ARHGEF9: variants seen among roughly 807,000 people sequenced by gnomAD.
ARHGEF9 encodes the protein rho guanine nucleotide exchange factor 9.
Under a neutral mutation model 41.3 loss-of-function variants are expected in ARHGEF9, and 2 were observed. The ratio of observed to expected loss-of-function variants is 0.05; its 90% confidence interval spans 0.02 to 0.15. The LOEUF is 0.15. Ranked by LOEUF, ARHGEF9 falls within the 10% of genes least tolerant of loss-of-function variation. The pLI is 1.00. For synonymous variants in ARHGEF9, 160 were observed against 154.4 expected (o/e 1.04, Z -0.27); for missense variants, 225 against 424.7 (o/e 0.53, Z 4.13).
At chrX:63,746,296 C>A (rs1474131094) in intron 1 of ARHGEF9, among the ~76,000 whole-genome samples, 1 of 112,286 alleles carries the variant, frequency 8.9e-6, no homozygotes, top group Non-Finnish European at 1.9e-5. Flanking sequence ...GTGATAAGGG[C>A]AAGAGAAAAA....
chrX:63,766,061 A>C (rs111613787), intron 1 of ARHGEF9, among the ~76,000 whole-genome samples: 3,156 of 112,381 alleles, frequency 0.028, 116 homozygotes, highest in African/African-American at 0.097. Flanking sequence ...TTCTCCTTAG[A>C]ATGTAAAACT....
At chrX:63,778,213 G>A (rs1213311433) in intron 1 of ARHGEF9, among the ~76,000 whole-genome samples, 5 of 112,302 alleles carry the variant, frequency 4.5e-5, no homozygotes, top group East Asian at 2.8e-4. Flanking sequence ...CTGTGTACCC[G>A]CAGGCCCAAC....
At chrX:63,714,263 C>T (rs181818120) in intron 2 of ARHGEF9, among the ~76,000 whole-genome samples, 11 of 112,089 alleles carry the variant, frequency 9.8e-5, no homozygotes, top group Non-Finnish European at 1.9e-4. Context: ...TCAGGAAGGC[C>T]TTCCCTACTC....
At chrX:63,715,265 T>C (rs1485396401) in intron 2 of ARHGEF9, among the ~76,000 whole-genome samples, 2 of 112,169 alleles carry the variant, frequency 1.8e-5, no homozygotes, top group African/African-American at 3.2e-5. Context: ...TTATTCTGTA[T>C]TTCCTTTGAT....
At chrX:63,767,934 G>T (rs782153772) in intron 1 of ARHGEF9, among the ~76,000 whole-genome samples, 4 of 111,910 alleles carry the variant, frequency 3.6e-5, no homozygotes, top group Non-Finnish European at 7.5e-5. Flanking sequence ...CACCTTTAAA[G>T]TAGGGAGAGT....
chrX:63,765,104 G>A (rs782154892), intron 1 of ARHGEF9, among the ~76,000 whole-genome samples: 1 of 111,529 alleles, frequency 9.0e-6, no homozygotes, highest in South Asian at 3.8e-4. Context: ...AGGGGCAAGT[G>A]GAAGTCTTTA....
In ARHGEF9 at chrX:63,751,601, C is replaced by G. The variant is rs1275423219; in HGVS notation, c.31-26890G>C. Among the ~76,000 whole-genome samples, 4 of 111,542 alleles carry G rather than the reference C, an allele frequency of 3.6e-5. No individual in the cohort carries two copies. The Admixed American group carries it at 3.8e-4, about 11-fold the overall frequency. On this transcript the variant is annotated intron_variant, in intron 1 of 9. Transcript: ENST00000671741. ...ATTTGCCTGGAGACAATTTTAAAAGCGCTAACCCATTTCAACAGCTAAATT... is the reference window on the plus strand; with the variant it reads ...ATTTGCCTGGAGACAATTTTAAAAGGGCTAACCCATTTCAACAGCTAAATT...
chrX:63,705,847 G>T (rs2052505175), intron 3 of ARHGEF9, among the ~76,000 whole-genome samples: 1 of 111,424 alleles, frequency 9.0e-6, no homozygotes, highest in Admixed American at 9.5e-5. Flanking sequence ...AGAAACTCTG[G>T]TACATATTGA....
At chrX:63,750,899 T>C (rs1324684518) in intron 1 of ARHGEF9, among the ~76,000 whole-genome samples, 1 of 111,349 alleles carries the variant, frequency 9.0e-6, no homozygotes, top group African/African-American at 3.3e-5. Context: ...TTCTGTTCTT[T>C]CTTTGTTCCC....
At chrX:63,754,358 C>A in intron 1 of ARHGEF9, 1 of 1,209,756 alleles carries the variant, frequency 8.3e-7, no homozygotes, top group Non-Finnish European at 1.1e-6. Flanking sequence ...GTTTTCCCCC[C>A]TGAGTAAGAA....
chrX:63,741,679 T>C (rs1261046582), intron 1 of ARHGEF9, among the ~76,000 whole-genome samples: 7 of 112,740 alleles, frequency 6.2e-5, no homozygotes, highest in Non-Finnish European at 1.1e-4. Context: ...CCCATATGTA[T>C]GTGGGTGCAC....
chrX:63,761,243 C>T (rs1569505702), intron 1 of ARHGEF9, among the ~76,000 whole-genome samples: 1 of 111,927 alleles, frequency 8.9e-6, no homozygotes, highest in African/African-American at 3.2e-5. Flanking sequence ...AGACAAGAGA[C>T]TTGTTTGAGG....
At chrX:63,694,275 G>T (rs1457767801) in intron 4 of ARHGEF9, among the ~76,000 whole-genome samples, 4 of 111,780 alleles carry the variant, frequency 3.6e-5, no homozygotes, top group African/African-American at 1.3e-4. Context: ...ATGCAAAATG[G>T]TATAGAAACT....
At chrX:63,735,145 A>G (rs2147687031) in intron 1 of ARHGEF9, among the ~76,000 whole-genome samples, 1 of 111,671 alleles carries the variant, frequency 9.0e-6, no homozygotes, top group East Asian at 2.8e-4. Flanking sequence ...GCTGACCAGG[A>G]CAAACCTAGG....
intron 8 of ARHGEF9, among the ~76,000 whole-genome samples, chrX:63,654,484 A>C: frequency 8.9e-6 from 1 of 112,035 alleles, no homozygotes. Flanking sequence ...AAGCAGTCTG[A>C]TTCCAATGAG....
Position 63,750,212 on chromosome X carries a change from G to T in ARHGEF9, c.31-25501C>A, listed in dbSNP as rs543356772. On this transcript the variant is annotated intron_variant, in intron 1 of 9. Coordinates refer to ENST00000671741, the MANE Select transcript of ARHGEF9 (RefSeq NM_001353921.2). ...CCAGAAACTGAGATGGCAGACAAAG[G>T]CTAAAGAGGAAGACATGCTTTGTTA... 1.9e-3 allele frequency among the ~76,000 whole-genome samples: 210 copies of T among 111,983 alleles called. 5 individuals are homozygous for T. The South Asian group carries it at 0.073, about 39-fold the overall frequency.
At chrX:63,662,928 C>A (rs1556343189) in intron 7 of ARHGEF9, among the ~76,000 whole-genome samples, 6 of 111,950 alleles carry the variant, frequency 5.4e-5, no homozygotes. Context: ...GTCAAGATGA[C>A]CTAGAGCAAT....
At chrX:63,657,259 G>T (rs2048932577) in intron 7 of ARHGEF9, 1 of 112,124 alleles carries the variant, frequency 8.9e-6, no homozygotes, top group Admixed American at 9.5e-5. Context: ...CTACTGAATT[G>T]CCTAACTTGA....
chrX:63,762,320 G>A, intron 1 of ARHGEF9, among the ~76,000 whole-genome samples: 1 of 112,037 alleles, frequency 8.9e-6, no homozygotes, highest in South Asian at 3.8e-4. Context: ...AGGTGGGCAG[G>A]TAGGTAGCCA....
Sources: gnomAD v4.1 joint callset for allele counts (sites outside exome capture counted in the v4.1 genomes callset) on GRCh38, gnomAD v4.1.1 for gene constraint, MANE v1.5 for transcripts, NCBI Gene and HGNC (gene_info 2026-07-23, HGNC 2026-07-21) for gene names.